MBP: variants seen among roughly 807,000 people sequenced by gnomAD.
MBP encodes Golli-MBP.
MBP carries 16 observed loss-of-function variants against 35.8 expected under a neutral mutation model. The observed-to-expected ratio is 0.45, with a 90% CI of 0.30 to 0.68. MBP has a LOEUF of 0.68. Ranked by LOEUF, MBP falls within the 30% of genes least tolerant of loss-of-function variation. MBP has a pLI of 0.08. For synonymous variants in MBP, 143 were observed against 159.6 expected, an observed-to-expected ratio of 0.90 and a Z score of 0.78; for missense variants, 380 against 404.7, an observed-to-expected ratio of 0.94 and a Z score of 0.52.
At chr18:77,015,240 C>A (rs1440318193) in intron 4 of MBP, 1 of 984,566 alleles carries the variant, frequency 1.0e-6, no homozygotes, top group Non-Finnish European at 1.2e-6. Flanking sequence ...CCAGTGATTT[C>A]ATCTTTTCTG....
intron 3 of MBP, among the ~76,000 whole-genome samples, chr18:77,055,128 C>T (rs779801997): frequency 3.3e-5 from 5 of 152,208 alleles, no homozygotes; most frequent in Non-Finnish European, 5.9e-5. Flanking sequence ...ACGGCAGCGC[C>T]GCCTGCTGCT....
chr18:77,034,976 T>C (rs1052374372), intron 3 of MBP, among the ~76,000 whole-genome samples: 2 of 152,252 alleles, frequency 1.3e-5, no homozygotes, highest in African/African-American at 4.8e-5. Flanking sequence ...GTGGCTAAAC[T>C]GCTAGGAAAG....
intron 4 of MBP, chr18:77,002,943 G>A (rs951738685): frequency 2.0e-5 from 3 of 152,200 alleles, no homozygotes; most frequent in African/African-American, 4.8e-5. Flanking sequence ...GCTCACAGAC[G>A]AGAAAAATAA....
At chr18:76,991,752 C>G (rs970450250) in intron 4 of MBP, among the ~76,000 whole-genome samples, 3 of 152,156 alleles carry the variant, frequency 2.0e-5, no homozygotes, top group African/African-American at 7.2e-5. Flanking sequence ...TGCGCCCCGT[C>G]GACACAGAAC....
chr18:77,063,061 C>T (rs536371915), intron 3 of MBP, among the ~76,000 whole-genome samples: 24 of 152,294 alleles, frequency 1.6e-4, no homozygotes, highest in African/African-American at 5.5e-4. Flanking sequence ...ATGGGATTTA[C>T]TATCATGTCA....
chr18:76,998,134 G>C (rs1970416831), intron 4 of MBP, among the ~76,000 whole-genome samples: 1 of 152,168 alleles, frequency 6.6e-6, no homozygotes, highest in Non-Finnish European at 1.5e-5. Context: ...ACCCTCTCCA[G>C]CTTCCCGAAC....
chr18:77,100,637 A>G (rs546482753), intron 2 of MBP, among the ~76,000 whole-genome samples: 1 of 151,282 alleles, frequency 6.6e-6, no homozygotes, highest in Admixed American at 6.6e-5. Flanking sequence ...CGTAGCCTCG[A>G]CCTCTCCAGG....
At chr18:77,038,320 T>C (rs1370066511) in intron 3 of MBP, among the ~76,000 whole-genome samples, 2 of 152,238 alleles carry the variant, frequency 1.3e-5, no homozygotes, top group African/African-American at 2.4e-5. Context: ...GGCCACAGTG[T>C]GAACTGGCAG....
intron 4 of MBP, among the ~76,000 whole-genome samples, chr18:76,992,060 G>T (rs1969959579): frequency 6.6e-6 from 1 of 152,190 alleles, no homozygotes; most frequent in Admixed American, 6.5e-5. Flanking sequence ...CCAGACGGGG[G>T]TCTCCACACG....
intron 2 of MBP, among the ~76,000 whole-genome samples, chr18:77,096,910 C>T (rs1975778848): frequency 6.6e-6 from 1 of 152,244 alleles, no homozygotes; most frequent in Admixed American, 6.5e-5. Flanking sequence ...GGTTTTCAGA[C>T]CTCTCATCTT....
chr18:77,045,196 C>G (rs959693331), intron 3 of MBP, among the ~76,000 whole-genome samples: 2 of 152,212 alleles, frequency 1.3e-5, no homozygotes, highest in Non-Finnish European at 2.9e-5. Context: ...CTGCTGACAA[C>G]AGCAAGTGGA....
chr18:77,068,301 GTAT>G (rs1974288305), intron 2 of MBP, among the ~76,000 whole-genome samples: 1 of 152,218 alleles, frequency 6.6e-6, no homozygotes, highest in Non-Finnish European at 1.5e-5. Flanking sequence ...CCCGTATGAA[GTAT>G]GGTACCAAGC....
chr18:77,128,558 T>A (rs1977136954), intron 1 of MBP, among the ~76,000 whole-genome samples: 1 of 141,374 alleles, frequency 7.1e-6, no homozygotes, highest in Admixed American at 6.9e-5. Flanking sequence ...CACAGAGCAG[T>A]CTATAAAATG....
At chr18:76,985,442 A>C in intron 7 of MBP, 1 of 1,196,528 alleles carries the variant, frequency 8.4e-7, no homozygotes, top group Non-Finnish European at 1.1e-6. Context: ...CTGGGAGATC[A>C]AGAGTCCTCG....
intron 2 of MBP, among the ~76,000 whole-genome samples, chr18:77,073,717 G>A (rs1974541243): frequency 1.3e-5 from 2 of 152,218 alleles, no homozygotes; most frequent in African/African-American, 4.8e-5. Flanking sequence ...GGTGGATCCT[G>A]CCTGGCTTGC....
intron 4 of MBP, chr18:77,013,928 A>C: frequency 1.0e-6 from 1 of 985,442 alleles, no homozygotes; most frequent in Non-Finnish European, 1.2e-6. Flanking sequence ...GTGGCCTCAG[A>C]TATGAGCACT....
chr18:77,091,587 CCACACACACACACA>C (rs57618192), intron 2 of MBP, among the ~76,000 whole-genome samples: 1 of 148,014 alleles, frequency 6.8e-6, no homozygotes, highest in African/African-American at 2.5e-5. Context: ...GCAAGAGAAA[CCACACACACACACA>C]CACACACACC....
Position 77,031,830 on chromosome 18 carries a change from C to T in MBP, c.140-14562G>A, listed in dbSNP as rs73484996. Among the ~76,000 whole-genome samples the T allele has an allele frequency of 1.4e-3, 219 of 152,308 alleles. 2 individuals are homozygous for T. The highest frequency in any genetic ancestry group is 5.0e-3 in the African/African-American group (209 of 41,550). On this transcript the variant is annotated intron_variant, in intron 3 of 8. Coordinates refer to ENST00000355994, the MANE Select transcript of MBP (RefSeq NM_001025101.2). ...GCTGTACACTGGCTGCAGAGTGGGC[C>T]GCAGGTGACCTCTCTCATGGATGGG...
At chr18:77,097,691 C>G (rs902329355) in intron 2 of MBP, among the ~76,000 whole-genome samples, 1 of 152,198 alleles carries the variant, frequency 6.6e-6, no homozygotes, top group Non-Finnish European at 1.5e-5. Context: ...CAGCCACTCA[C>G]AGAGACATGG....
Sources: allele counts gnomAD v4.1 joint callset (sites outside exome capture counted in the v4.1 genomes callset), GRCh38; gene constraint gnomAD v4.1.1; transcripts MANE v1.5; gene names NCBI Gene and HGNC (gene_info 2026-07-23, HGNC 2026-07-21).